The following ST6GALNAC3 variants were observed in gnomAD, a reference collection of about 807,000 sequenced individuals.
ST6GALNAC3 encodes the protein alpha-N-acetylgalactosaminide alpha-2,6-sialyltransferase 3.
A neutral mutation model predicts 32.7 loss-of-function variants in ST6GALNAC3; 25 were observed. The observed-to-expected ratio is 0.76, with a 90% CI of 0.56 to 1.07. ST6GALNAC3 has a LOEUF of 1.07. ST6GALNAC3 is among the 50% of genes least tolerant of loss of function. The pLI is 0.00. For synonymous variants in ST6GALNAC3, 129 were observed against 133.1 expected, an observed-to-expected ratio of 0.97 and a Z score of 0.21; for missense variants, 355 against 382.4, an observed-to-expected ratio of 0.93 and a Z score of 0.60.
intron 1 of ST6GALNAC3, among the ~76,000 whole-genome samples, chr1:76,198,439 T>C (rs1044124088): frequency 4.6e-5 from 7 of 152,188 alleles, no homozygotes; most frequent in Admixed American, 6.5e-5. Context: ...AGTAACAGTA[T>C]GGAAAATGAA....
At chr1:76,247,553 G>A (rs1657342691) in intron 1 of ST6GALNAC3, among the ~76,000 whole-genome samples, 1 of 152,156 alleles carries the variant, frequency 6.6e-6, no homozygotes, top group Non-Finnish European at 1.5e-5. Flanking sequence ...AAGCAGTCTG[G>A]CCACAGCTGC....
Position 76,088,234 on chromosome 1 carries a change from A to G in ST6GALNAC3, c.18+13350A>G, listed in dbSNP as rs538321569. 1.2e-4 allele frequency among the ~76,000 whole-genome samples: 18 copies of G among 152,328 alleles called. No homozygotes were observed. The South Asian group carries it at 2.9e-3, about 25-fold the overall frequency. ...CCCAGGCAGTTTGACCCTGGCATCTATAACAGATGCGCCTATGACCACAGA... is the reference window on the plus strand; with the variant it reads ...CCCAGGCAGTTTGACCCTGGCATCTGTAACAGATGCGCCTATGACCACAGA... On this transcript the variant is annotated intron_variant, in intron 1 of 4. Transcript: ENST00000328299.
At chr1:76,594,686 TTGGGC>T (rs1647104437) in intron 3 of ST6GALNAC3, among the ~76,000 whole-genome samples, 1 of 152,302 alleles carries the variant, frequency 6.6e-6, no homozygotes, top group African/African-American at 2.4e-5. Context: ...AGCTGCTCCT[TTGGGC>T]TCTTTAACCT....
At chr1:76,178,753 T>C (rs1652998532) in intron 1 of ST6GALNAC3, among the ~76,000 whole-genome samples, 1 of 152,188 alleles carries the variant, frequency 6.6e-6, no homozygotes, top group South Asian at 2.1e-4. Flanking sequence ...AATTCTGAAC[T>C]GTCAGTCGGT....
chr1:76,272,026 TATTAC>T, intron 1 of ST6GALNAC3, among the ~76,000 whole-genome samples: 1 of 152,000 alleles, frequency 6.6e-6, no homozygotes, highest in East Asian at 1.9e-4. Flanking sequence ...TGCATTGTCT[TATTAC>T]ATTAAAAAAA....
chr1:76,322,204 T>C (rs1646980048), intron 2 of ST6GALNAC3, among the ~76,000 whole-genome samples: 1 of 152,144 alleles, frequency 6.6e-6, no homozygotes, highest in African/African-American at 2.4e-5. Flanking sequence ...AGAACTCATG[T>C]CCTGATGTAG....
chr1:76,354,994 G>T (rs1412151883), intron 2 of ST6GALNAC3, among the ~76,000 whole-genome samples: 1 of 152,166 alleles, frequency 6.6e-6, no homozygotes, highest in Non-Finnish European at 1.5e-5. Flanking sequence ...TGACTTTATT[G>T]ACTGAAACAG....
intron 2 of ST6GALNAC3, among the ~76,000 whole-genome samples, chr1:76,367,210 A>G (rs1650443555): frequency 6.6e-6 from 1 of 152,266 alleles, no homozygotes; most frequent in Non-Finnish European, 1.5e-5. Context: ...ATACCATAGT[A>G]TAAATTCAGT....
intron 1 of ST6GALNAC3, among the ~76,000 whole-genome samples, chr1:76,139,361 T>C (rs921690479): frequency 9.9e-5 from 15 of 152,250 alleles, no homozygotes; most frequent in Middle Eastern, 6.8e-3. Context: ...AATATACATA[T>C]AAACATATAC....
Position 76,630,080 on chromosome 1 carries a change from AT to A in ST6GALNAC3, c.*1276del. The A allele has an allele frequency of 1.0e-6, 1 of 985,182 alleles. No homozygotes were observed. Among genetic ancestry groups the A allele is most frequent in the African/African-American group, 1.7e-5 (1 of 57,320 alleles). The allele number at this position is 985,182 out of a possible 1,614,324, so 61.0% of individuals were successfully genotyped here. A position where few individuals can be genotyped will look rare whatever the true frequency, so the allele number is the denominator to read the frequency against. ...ATGCCCTTGAACACCCCATTGGGCT[AT>A]TGTCTGTGTATTCTGCTCTCTTTAG... On this transcript the variant is annotated 3_prime_UTR_variant, in exon 5 of 5. Coordinates refer to ENST00000328299, the MANE Select transcript of ST6GALNAC3 (RefSeq NM_152996.4).
chr1:76,616,069 G>C (rs886225559), intron 3 of ST6GALNAC3, among the ~76,000 whole-genome samples: 1 of 152,172 alleles, frequency 6.6e-6, no homozygotes, highest in Admixed American at 6.5e-5. Context: ...TATGGGGAGG[G>C]TGTGCACAGA....
intron 3 of ST6GALNAC3, among the ~76,000 whole-genome samples, chr1:76,568,457 GCACTCTTTGCAGA>G (rs1461568872): frequency 2.2e-4 from 34 of 152,192 alleles, no homozygotes; most frequent in African/African-American, 7.7e-4. Flanking sequence ...TTTGTTCCTG[GCACTCTTTGCAGA>G]CCATCTCTCT....
intron 1 of ST6GALNAC3, among the ~76,000 whole-genome samples, chr1:76,147,209 C>G (rs545060517): frequency 5.9e-5 from 9 of 151,800 alleles, no homozygotes; most frequent in Non-Finnish European, 1.0e-4. Context: ...ATTACAGGCA[C>G]CTGCCACCAT....
chr1:76,505,688 G>A (rs566616770), intron 3 of ST6GALNAC3, among the ~76,000 whole-genome samples: 1 of 152,254 alleles, frequency 6.6e-6, no homozygotes, highest in East Asian at 1.9e-4. Flanking sequence ...TAGTCCCTCT[G>A]GCTGTGCATT....
chr1:76,587,602 T>C (rs553344416), intron 3 of ST6GALNAC3, among the ~76,000 whole-genome samples: 1 of 152,336 alleles, frequency 6.6e-6, no homozygotes, highest in South Asian at 2.1e-4. Flanking sequence ...GGGAAAATTA[T>C]TTAATCTCTA....
chr1:76,439,064 C>A (rs896808346), intron 3 of ST6GALNAC3, among the ~76,000 whole-genome samples: 1 of 152,168 alleles, frequency 6.6e-6, no homozygotes, highest in African/African-American at 2.4e-5. Context: ...GAAATAAGGA[C>A]TCAATTGTTC....
intron 1 of ST6GALNAC3, among the ~76,000 whole-genome samples, chr1:76,148,001 T>C (rs1296405604): frequency 6.6e-6 from 1 of 152,198 alleles, no homozygotes. Flanking sequence ...ACATTCTGCC[T>C]TGTAGTAGAG....
In ST6GALNAC3 at chr1:76,544,817, G is replaced by A. The variant is rs150504080; in HGVS notation, c.624-82635G>A. On this transcript the variant is annotated intron_variant, in intron 3 of 4. Transcript: ENST00000328299. The stretch of plus-strand genomic sequence containing the variant: ...TATGGGAGTCAATAACATTTCACAG[G>A]AATAAGCATGATGGAAGTTATAATA... Among the ~76,000 whole-genome samples, 1,165 of 152,292 alleles carry A rather than the reference G, an allele frequency of 7.6e-3. 23 individuals are homozygous for A. The highest frequency in any genetic ancestry group is 0.027 in the African/African-American group (1,117 of 41,568).
chr1:76,099,250 T>G (rs983553873), intron 1 of ST6GALNAC3, among the ~76,000 whole-genome samples: 1 of 152,170 alleles, frequency 6.6e-6, no homozygotes, highest in Non-Finnish European at 1.5e-5. Context: ...CCCTTTATAC[T>G]TCCTTTGAGT....
Sources: allele counts gnomAD v4.1 joint callset (sites outside exome capture counted in the v4.1 genomes callset), GRCh38; gene constraint gnomAD v4.1.1; transcripts MANE v1.5; gene names NCBI Gene and HGNC (gene_info 2026-07-23, HGNC 2026-07-21).